ARHGAP18: variants seen among roughly 807,000 people sequenced by gnomAD.
The protein encoded by ARHGAP18 is rho GTPase-activating protein 18.
Under a neutral mutation model 86.2 loss-of-function variants are expected in ARHGAP18, and 67 were observed. That is an observed-to-expected ratio of 0.78 (90% CI 0.64 to 0.95). The LOEUF (loss-of-function observed/expected upper bound fraction) is 0.95. Ranked by LOEUF, ARHGAP18 falls within the 40% of genes least tolerant of loss-of-function variation. The pLI is 0.00. For missense variants in ARHGAP18, 691 were observed against 780.4 expected, an observed-to-expected ratio of 0.89 and a Z score of 1.37; for synonymous variants, 283 against 280.4, an observed-to-expected ratio of 1.01 and a Z score of -0.09.
At chr6:129,650,278 G>C (rs948384475) in intron 1 of ARHGAP18, among the ~76,000 whole-genome samples, 21 of 151,900 alleles carry the variant, frequency 1.4e-4, no homozygotes, top group African/African-American at 5.1e-4. Context: ...CCACCACCAG[G>C]TCTTGTAGAA....
At chr6:129,584,233 TA>T in intron 12 of ARHGAP18, 121 bp from the exon 13 acceptor site, 1 of 1,361,758 alleles carries the variant, frequency 7.3e-7, no homozygotes, top group Non-Finnish European at 9.8e-7. Context: ...ATAAAAACCT[TA>T]ACTACTGTAT....
intron 1 of ARHGAP18, among the ~76,000 whole-genome samples, chr6:129,672,094 C>T (rs1055590770): frequency 1.3e-5 from 2 of 152,104 alleles, no homozygotes; most frequent in African/African-American, 2.4e-5. Flanking sequence ...CACACGTACA[C>T]GCGCACACAC....
At chr6:129,695,904 C>T (rs117822046) in intron 1 of ARHGAP18, among the ~76,000 whole-genome samples, 1 of 152,078 alleles carries the variant, frequency 6.6e-6, no homozygotes, top group South Asian at 2.1e-4. Context: ...TTCCTAGTCA[C>T]GTATCCTCTC....
rs559047257 is a variant in ARHGAP18, at chr6:129,663,133, A to T, written c.114-21115T>A. ...CATGTGGCCACAAAACCCATGCTCA[A>T]GACTCTGTATGATAAATGCCTCTGA... On this transcript the variant is annotated intron_variant, in intron 1 of 14. Transcript: ENST00000368149. Among the ~76,000 whole-genome samples, 7 of 152,304 alleles carry T rather than the reference A, an allele frequency of 4.6e-5. No homozygotes were observed. In the South Asian group the frequency reaches 1.2e-3, roughly 27 times the overall value.
intron 12 of ARHGAP18, among the ~76,000 whole-genome samples, chr6:129,594,605 G>A (rs1202674322): frequency 2.6e-5 from 4 of 152,046 alleles, no homozygotes; most frequent in African/African-American, 7.2e-5. Flanking sequence ...CCCTGTAGCC[G>A]ACTCACACAG....
chr6:129,638,456 T>TG lies in ARHGAP18; in HGVS notation c.489dup (p.Lys164GlnfsTer7). ...CTGACGTCAGGAATCTGGTACTGTT[T>TG]GTTTTTTTTCCTCAAGGTCTGGGAG... On this transcript the variant is annotated frameshift_variant, in exon 3 of 15. Coordinates refer to ENST00000368149, the MANE Select transcript of ARHGAP18 (RefSeq NM_033515.3). LOFTEE classifies it high-confidence loss of function. The TG allele has an allele frequency of 1.2e-6, 2 of 1,614,198 alleles. No homozygotes were observed. The highest frequency in any genetic ancestry group is 1.7e-6 in the Non-Finnish European group (2 of 1,180,030).
chr6:129,682,193 C>A (rs1774336152), intron 1 of ARHGAP18, among the ~76,000 whole-genome samples: 1 of 152,154 alleles, frequency 6.6e-6, no homozygotes, highest in South Asian at 2.1e-4. Flanking sequence ...CACCCTAACC[C>A]CCGGTTTTGG....
intron 4 of ARHGAP18, among the ~76,000 whole-genome samples, chr6:129,630,505 G>A (rs187557311): frequency 9.9e-5 from 15 of 151,954 alleles, no homozygotes; most frequent in Admixed American, 3.3e-4. Flanking sequence ...GCTCACATAC[G>A]AACACAACAA....
chr6:129,610,887 A>G (rs1051014226), intron 8 of ARHGAP18, among the ~76,000 whole-genome samples: 1 of 151,948 alleles, frequency 6.6e-6, no homozygotes, highest in East Asian at 1.9e-4. Flanking sequence ...TTGGCCTCCC[A>G]AAGTGTTTTT....
At position 129,608,829 on chromosome 6, in the gene ARHGAP18, C is replaced by T. The variant is rs117224188; in HGVS notation, c.1123-777G>A. Among the ~76,000 whole-genome samples, 346 of 152,234 alleles carry T rather than the reference C, an allele frequency of 2.3e-3. 2 individuals are homozygous for T. The highest frequency in any genetic ancestry group is 3.9e-3 in the Non-Finnish European group (262 of 68,022). On this transcript the variant is annotated intron_variant, in intron 8 of 14. Coordinates refer to ENST00000368149, the MANE Select transcript of ARHGAP18 (RefSeq NM_033515.3). ...TCCTCTGTTACATGAAACCATTCTC[C>T]CAAAGTATGTTCTTTGTTTTCTTGT...
intron 1 of ARHGAP18, among the ~76,000 whole-genome samples, chr6:129,683,985 A>C (rs1044018410): frequency 2.6e-5 from 4 of 152,244 alleles, no homozygotes; most frequent in Non-Finnish European, 5.9e-5. Context: ...TGACAGCGCG[A>C]GATGATTGAA....
chr6:129,637,670 T>A (rs1336163438), intron 3 of ARHGAP18, among the ~76,000 whole-genome samples: 3 of 152,130 alleles, frequency 2.0e-5, no homozygotes, highest in East Asian at 1.9e-4. Flanking sequence ...CAAACCATAT[T>A]CAAAAAAGGC....
At chr6:129,625,820 A>G (rs183215255) in intron 5 of ARHGAP18, among the ~76,000 whole-genome samples, 4,228 of 83,958 alleles carry the variant, frequency 0.05, 400 homozygotes, top group African/African-American at 0.18. Flanking sequence ...ATATATTTAT[A>G]TATTATATAT....
chr6:129,628,716 CTT>C (rs755015558), intron 5 of ARHGAP18, among the ~76,000 whole-genome samples: 18 of 152,102 alleles, frequency 1.2e-4, no homozygotes, highest in Non-Finnish European at 1.6e-4. Context: ...GATTTGGACT[CTT>C]TGATAATATT....
At chr6:129,603,726 T>C (rs1008516891) in intron 10 of ARHGAP18, among the ~76,000 whole-genome samples, 2 of 152,218 alleles carry the variant, frequency 1.3e-5, no homozygotes, top group African/African-American at 4.8e-5. Context: ...TCTTCACTAT[T>C]GTTCCAAGTC....
At position 129,626,099 on chromosome 6, in the gene ARHGAP18, C is replaced by CAT. The variant is rs1789463573; in HGVS notation, c.786+3253_786+3254insAT. On this transcript the variant is annotated intron_variant, in intron 5 of 14. Coordinates refer to ENST00000368149, the MANE Select transcript of ARHGAP18 (RefSeq NM_033515.3). ...ACACACACACACACACACACACACA[C>CAT]ACACACATATATAGAAGAAAAGCCT... Among the ~76,000 whole-genome samples, 4 of 135,592 alleles carry CAT rather than the reference C, an allele frequency of 3.0e-5. No individual in the cohort carries two copies. In the South Asian group the frequency reaches 9.0e-4, roughly 30 times the overall value. 89.0% of individuals were successfully genotyped at this position (135,592 alleles called of 152,430 possible). A position where few individuals can be genotyped will look rare whatever the true frequency, so the allele number is the denominator to read the frequency against.
At chr6:129,639,351 T>A (rs13203237) in intron 2 of ARHGAP18, among the ~76,000 whole-genome samples, 30,017 of 152,150 alleles carry the variant, frequency 0.2, 3,246 homozygotes, top group Non-Finnish European at 0.24. Context: ...TAGAATGGAT[T>A]CTTTCCAACC....
intron 1 of ARHGAP18, among the ~76,000 whole-genome samples, chr6:129,708,335 C>T (rs915983083): frequency 7.2e-5 from 11 of 152,298 alleles, no homozygotes; most frequent in Non-Finnish European, 1.0e-4. Context: ...AGGGCACTTG[C>T]CGTGTGGGCA....
At position 129,599,436 on chromosome 6, in the gene ARHGAP18, T is replaced by A. The variant is rs1788691415; in HGVS notation, c.1573-80A>T. ...ACTACAAAAAAAAATTATATTTTTTTAAATTTCAAAAACAGTAAAGAGTTT... is the reference window on the plus strand; with the variant it reads ...ACTACAAAAAAAAATTATATTTTTTAAAATTTCAAAAACAGTAAAGAGTTT... On this transcript the variant is annotated intron_variant, in intron 11 of 14. Coordinates refer to ENST00000368149, the MANE Select transcript of ARHGAP18 (RefSeq NM_033515.3). 6.5e-6 allele frequency: 8 copies of A among 1,230,454 alleles called. No homozygotes were observed. The South Asian group carries it at 1.5e-4, about 24-fold the overall frequency. 76.2% of individuals were successfully genotyped at this position (1,230,454 alleles called of 1,614,324 possible). A position where few individuals can be genotyped will look rare whatever the true frequency, so the allele number is the denominator to read the frequency against.
Sources: gnomAD v4.1 joint callset for allele counts (sites outside exome capture counted in the v4.1 genomes callset) on GRCh38, gnomAD v4.1.1 for gene constraint, MANE v1.5 for transcripts, NCBI Gene and HGNC (gene_info 2026-07-23, HGNC 2026-07-21) for gene names.